The following GLRA2 variants were observed in gnomAD, a reference collection of about 807,000 sequenced individuals.
The protein encoded by GLRA2 is glycine receptor subunit alpha-2.
A neutral mutation model predicts 31.6 loss-of-function variants in GLRA2; 11 were observed. The ratio of observed to expected loss-of-function variants is 0.35; its 90% CI spans 0.22 to 0.58. GLRA2 has a LOEUF of 0.58. Among genes scored for constraint, GLRA2 ranks in the 20% least tolerant of loss-of-function variants. The pLI, the probability that GLRA2 is intolerant of heterozygous loss-of-function variation, is 0.84. For synonymous variants in GLRA2, 132 were observed against 134.0 expected (o/e 0.99, Z 0.10); for missense variants, 212 against 351.8 (o/e 0.60, Z 3.18).
intron 2 of GLRA2, among the ~76,000 whole-genome samples, chrX:14,554,209 C>A (rs888227601): frequency 8.9e-6 from 1 of 111,985 alleles, no homozygotes; most frequent in African/African-American, 3.2e-5. Context: ...AGTGGGAAGG[C>A]GGCTGTCCTA....
rs761094724 is a variant in GLRA2 at position 14,690,828 on chromosome X, G to T, written c.1049G>T (p.Arg350Leu). The change falls in exon 8 of 9, where the codon CGC (arginine) becomes CTC (leucine). Residue 350 changes from arginine to leucine, a missense_variant. Arg to Leu is a moderately radical substitution (Grantham distance 102). Coordinates refer to ENST00000218075, the MANE Select transcript of GLRA2 (RefSeq NM_002063.4). ...TCCAGGCAACACAAGGAGTTCCTGC[G>T]CCTCCGAAGAAGACAGAAGAGGCAG... is the stretch of plus-strand genomic sequence containing the variant. ...FVSRQHKEFL[R>L]LRRRQKRQNK... The T allele has an allele frequency of 4.1e-6, 5 of 1,208,241 alleles. No individual in the cohort carries two copies. The highest frequency in any genetic ancestry group is 5.6e-6 in the Non-Finnish European group (5 of 892,650).
chrX:14,486,263 TA>T, the GLRA2 span, among the ~76,000 whole-genome samples: 1 of 111,779 alleles, frequency 8.9e-6, no homozygotes, highest in African/African-American at 3.2e-5. Context: ...TACAGATAGA[TA>T]AAAGACTTAA....
the GLRA2 span, among the ~76,000 whole-genome samples, chrX:14,493,750 TATATGTATAC>T: frequency 1.4e-4 from 14 of 101,792 alleles, no homozygotes; most frequent in South Asian, 8.4e-4. Context: ...TATATACGTG[TATATGTATAC>T]ATATGTATAC....
At chrX:14,711,256 A>G (rs1313696096) in intron 8 of GLRA2, among the ~76,000 whole-genome samples, 1 of 112,311 alleles carries the variant, frequency 8.9e-6, no homozygotes, top group African/African-American at 3.2e-5. Context: ...CTTGCCCCCA[A>G]ACTTATTCTC....
At chrX:14,481,094 G>C in the GLRA2 span, among the ~76,000 whole-genome samples, 1 of 111,168 alleles carries the variant, frequency 9.0e-6, no homozygotes, top group Admixed American at 9.6e-5. Flanking sequence ...TCACCACCTT[G>C]GTTAGATATA....
chrX:14,536,167 T>C (rs1490339231), intron 2 of GLRA2, among the ~76,000 whole-genome samples: 2 of 112,080 alleles, frequency 1.8e-5, no homozygotes, highest in African/African-American at 6.5e-5. Flanking sequence ...GCCTGAAATA[T>C]GTTTTTCTGC....
intron 8 of GLRA2, among the ~76,000 whole-genome samples, chrX:14,713,546 A>G (rs770595494): frequency 8.0e-5 from 9 of 112,423 alleles, no homozygotes; most frequent in African/African-American, 9.7e-5. Context: ...GATTTTGAAC[A>G]GAAAGCCAAA....
At chrX:14,589,625 T>G in intron 4 of GLRA2, among the ~76,000 whole-genome samples, 1 of 106,698 alleles carries the variant, frequency 9.4e-6, no homozygotes, top group Non-Finnish European at 1.9e-5. Flanking sequence ...GAGCAGAGAT[T>G]GTGCCACTGC....
At chrX:14,672,790 G>A (rs9887378) in intron 7 of GLRA2, among the ~76,000 whole-genome samples, 31,074 of 110,941 alleles carry the variant, frequency 0.28, 3,350 homozygotes, top group Non-Finnish European at 0.34. Flanking sequence ...AACCTGGAGC[G>A]TGGTGGATGC....
chrX:14,645,104 T>A (rs1212562550), intron 7 of GLRA2, among the ~76,000 whole-genome samples: 1 of 111,983 alleles, frequency 8.9e-6, no homozygotes, highest in Non-Finnish European at 1.9e-5. Context: ...ATGTTGGTTT[T>A]AAAAAACTGA....
chrX:14,716,848 T>G (rs757227690), intron 8 of GLRA2, among the ~76,000 whole-genome samples: 3 of 111,003 alleles, frequency 2.7e-5, no homozygotes, highest in Non-Finnish European at 5.7e-5. Context: ...AACTAGAAAG[T>G]CTTTTTCAGA....
chrX:14,602,116 C>T (rs777489008), intron 4 of GLRA2, among the ~76,000 whole-genome samples: 1 of 111,491 alleles, frequency 9.0e-6, no homozygotes, highest in African/African-American at 3.3e-5. Flanking sequence ...TACTAATTCT[C>T]AATCCTAATT....
chrX:14,730,006 A>G (rs1287718368), intron 8 of GLRA2, among the ~76,000 whole-genome samples: 1 of 111,840 alleles, frequency 8.9e-6, no homozygotes, highest in Non-Finnish European at 1.9e-5. Context: ...CTTACCCTTA[A>G]TTTCTCAGTC....
chrX:14,543,596 A>G (rs903015452), intron 2 of GLRA2, among the ~76,000 whole-genome samples: 1 of 111,452 alleles, frequency 9.0e-6, no homozygotes. Flanking sequence ...TAGCAAATTC[A>G]TGTACAAAGG....
chrX:14,703,808 T>C (rs930109026), intron 8 of GLRA2, among the ~76,000 whole-genome samples: 5 of 111,591 alleles, frequency 4.5e-5, no homozygotes, highest in African/African-American at 1.6e-4. Flanking sequence ...TCTCAGTCTC[T>C]CAGAGGTTTG....
intron 7 of GLRA2, among the ~76,000 whole-genome samples, chrX:14,642,648 T>C (rs2090788727): frequency 9.0e-6 from 1 of 111,602 alleles, no homozygotes; most frequent in African/African-American, 3.3e-5. Context: ...TTCTTACTAT[T>C]ATATATCCAT....
chrX:14,551,698 CT>C lies in GLRA2; in HGVS notation c.202+19327del, dbSNP rs763286942. ...CATGCCCTTTCATATGAGATTTTAT[CT>C]AGTCCTATAGTTTGCTTCTAAATAG... On this transcript the variant is annotated intron_variant, in intron 2 of 8. Transcript: ENST00000218075. 2.7e-5 allele frequency among the ~76,000 whole-genome samples: 3 copies of C among 111,858 alleles called. No homozygotes were observed. The East Asian group carries it at 8.4e-4, about 31-fold the overall frequency.
At chrX:14,481,107 C>A in the GLRA2 span, among the ~76,000 whole-genome samples, 6 of 111,125 alleles carry the variant, frequency 5.4e-5, no homozygotes, top group East Asian at 1.7e-3. Flanking sequence ...TAGATATATT[C>A]CTAGGTATTT....
At chrX:14,652,331 G>A (rs1403540638) in intron 7 of GLRA2, among the ~76,000 whole-genome samples, 3 of 111,530 alleles carry the variant, frequency 2.7e-5, no homozygotes, top group African/African-American at 9.8e-5. Context: ...TCATCCTGGT[G>A]TCCTTGACAC....
Sources: allele counts gnomAD v4.1 joint callset (sites outside exome capture counted in the v4.1 genomes callset), GRCh38; gene constraint gnomAD v4.1.1; transcripts MANE v1.5; gene names NCBI Gene and HGNC (gene_info 2026-07-23, HGNC 2026-07-21).